OSBPL9: variants seen among roughly 807,000 people sequenced by gnomAD.
OSBPL9 encodes the protein oxysterol-binding protein-related protein 9.
A neutral mutation model predicts 106.6 loss-of-function variants in OSBPL9; 40 were observed. The observed-to-expected ratio is 0.38, with a 90% CI of 0.29 to 0.49. The LOEUF (loss-of-function observed/expected upper bound fraction) is 0.49, where lower values mean the gene tolerates loss of function less well. OSBPL9 is among the 20% of genes least tolerant of loss of function. OSBPL9 has a pLI of 0.97. For missense variants in OSBPL9, 609 were observed against 887.2 expected (o/e 0.69, Z 3.98); for synonymous variants, 269 against 295.4 (o/e 0.91, Z 0.92).
chr1:51,548,588 C>G, the OSBPL9 span, among the ~76,000 whole-genome samples: 1 of 152,004 alleles, frequency 6.6e-6, no homozygotes, highest in Non-Finnish European at 1.5e-5. Flanking sequence ...TGGAGTTCCA[C>G]TATGTTGCCC....
rs758760414 is a variant in OSBPL9, at chr1:51,602,018, CTTTTTT to C, written c.-353+3840_-353+3845del. Among the ~76,000 whole-genome samples the C allele has an allele frequency of 1.7e-4, 13 of 76,406 alleles. 1 individual carries two copies. Among genetic ancestry groups the C allele is most frequent in the African/African-American group, 5.7e-4 (11 of 19,210 alleles). The allele number at this position is 76,406 out of a possible 152,430, so 50.1% of individuals were successfully genotyped here. A position where few individuals can be genotyped will look rare whatever the true frequency, so the allele number is the denominator to read the frequency against. ...AGTCAATTGTTCCATTCTTGGGGTT[CTTTTTT>C]TTTTTTTTTTTTTTGAGACGGAGTC... is the stretch of plus-strand genomic sequence containing the variant. On this transcript the variant is annotated intron_variant, in intron 2 of 25. Coordinates refer to the OSBPL9 transcript ENST00000371714.
chr1:51,596,397 T>C (rs543750232), intron 1 of OSBPL9, among the ~76,000 whole-genome samples: 1 of 150,718 alleles, frequency 6.6e-6, no homozygotes, highest in East Asian at 2.0e-4. Flanking sequence ...CCGTCTCTAC[T>C]AAAAATACAA....
chr1:51,578,203 A>G (rs892669138), intron 1 of OSBPL9, among the ~76,000 whole-genome samples: 3 of 152,186 alleles, frequency 2.0e-5, no homozygotes, highest in African/African-American at 7.2e-5. Flanking sequence ...TAATGGATTG[A>G]CTCTTTTATT....
In OSBPL9 at chr1:51,745,660, A is replaced by G. The variant is rs779637997; in HGVS notation, c.414+29A>G. On this transcript the variant is annotated intron_variant, in intron 5 of 23. Coordinates refer to ENST00000428468, the MANE Select transcript of OSBPL9 (RefSeq NM_024586.6). ...TGGCATTAGTTTGTATATTAAATTT[A>G]TATAAATAGAAAATGTTACTGAGCT... 4.1e-6 allele frequency: 6 copies of G among 1,460,526 alleles called. No individual in the cohort carries two copies. In the East Asian group the frequency reaches 1.3e-4, roughly 32 times the overall value. 90.5% of individuals were successfully genotyped at this position (1,460,526 alleles called of 1,614,324 possible). A position where few individuals can be genotyped will look rare whatever the true frequency, so the allele number is the denominator to read the frequency against.
Position 51,781,316 on chromosome 1 carries a change from A to C in OSBPL9, c.1409A>C (p.Asn470Thr). ...EIFQCHWTLPNDTEENTELVS... is the reference protein window; with the variant it reads ...EIFQCHWTLPTDTEENTELVS... ...TTTCAGTGTCATTGGACATTACCAAATGATACTGAAGAGAACACAGTGAGT... is the reference window on the plus strand; with the variant it reads ...TTTCAGTGTCATTGGACATTACCAACTGATACTGAAGAGAACACAGTGAGT... Residue 470 changes from asparagine to threonine, a missense_variant, in exon 16 of 24, where the codon AAT becomes ACT. Transcript: ENST00000428468. The C allele has an allele frequency of 6.2e-7, 1 of 1,614,130 alleles. No homozygotes were observed. The highest frequency in any genetic ancestry group is 8.5e-7 in the Non-Finnish European group (1 of 1,180,004).
At chr1:51,672,891 A>G (rs1479317790) in intron 3 of OSBPL9, among the ~76,000 whole-genome samples, 2 of 152,208 alleles carry the variant, frequency 1.3e-5, no homozygotes, top group African/African-American at 2.4e-5. Flanking sequence ...CAAGTTTTAA[A>G]TGTCCACCAA....
intron 3 of OSBPL9, chr1:51,709,381 A>C (rs1483635843): frequency 1.4e-5 from 3 of 210,198 alleles, no homozygotes; most frequent in African/African-American, 6.9e-5. Context: ...GTGCATAAGC[A>C]TGCACAGTTC....
the OSBPL9 span, among the ~76,000 whole-genome samples, chr1:51,545,615 AT>A: frequency 5.9e-4 from 90 of 152,336 alleles, 1 homozygote; most frequent in African/African-American, 2.0e-3. Flanking sequence ...TCTATAAAAA[AT>A]AAAATAAAAA....
intron 3 of OSBPL9, among the ~76,000 whole-genome samples, chr1:51,670,891 G>A (rs911338038): frequency 1.2e-4 from 19 of 152,296 alleles, no homozygotes; most frequent in Admixed American, 4.6e-4. Context: ...TCAAGAAAGA[G>A]CTGCTGGGTG....
chr1:51,649,192 C>T (rs1009999067), intron 1 of OSBPL9, among the ~76,000 whole-genome samples: 16 of 152,116 alleles, frequency 1.1e-4, no homozygotes, highest in African/African-American at 3.1e-4. Context: ...CTGCAACCTC[C>T]GCCTCCCAGG....
chr1:51,588,472 C>G (rs1158827141), intron 1 of OSBPL9, among the ~76,000 whole-genome samples: 1 of 152,058 alleles, frequency 6.6e-6, no homozygotes, highest in African/African-American at 2.4e-5. Context: ...CAGTCTGGGC[C>G]ACATAGCAAG....
intron 2 of OSBPL9, among the ~76,000 whole-genome samples, chr1:51,666,271 A>G (rs934787602): frequency 9.2e-5 from 14 of 152,212 alleles, no homozygotes; most frequent in Non-Finnish European, 2.1e-4. Flanking sequence ...AGGTTAAGGT[A>G]CAGCCAATTT....
At chr1:51,532,974 TATTAAATGGTAATTGGTA>T in the OSBPL9 span, among the ~76,000 whole-genome samples, 15 of 152,162 alleles carry the variant, frequency 9.9e-5, no homozygotes, top group Admixed American at 2.6e-4. Flanking sequence ...AATTGGTAAT[TATTAAATGGTAATTGGTA>T]ATTAAATGGT....
the OSBPL9 span, among the ~76,000 whole-genome samples, chr1:51,527,021 G>A: frequency 6.6e-6 from 1 of 152,112 alleles, no homozygotes; most frequent in South Asian, 2.1e-4. Flanking sequence ...TGGGATTACA[G>A]GCATGAGCCA....
chr1:51,782,510 TCATTTGTGTTTTCTCATCAAAAGAA>T, intron 16 of OSBPL9, 24 bp from the exon 17 acceptor site: 1 of 1,545,918 alleles, frequency 6.5e-7, no homozygotes, highest in Non-Finnish European at 8.9e-7. Flanking sequence ...CTCTGAAATG[TCATTTGTGTTTTCTCATCAAAAGAA>T]AATTATGTTA....
At position 51,644,619 on chromosome 1, in the gene OSBPL9, C is replaced by A. The variant is rs144433364; in HGVS notation, c.112-7372C>A. ...CTGGGATTATAGAGGTGAGCCACCGCGCCCAGCCCATGTTGAGTTTTAAAT... is the reference window on the plus strand; with the variant it reads ...CTGGGATTATAGAGGTGAGCCACCGAGCCCAGCCCATGTTGAGTTTTAAAT... On this transcript the variant is annotated intron_variant, in intron 1 of 23. Transcript: ENST00000428468. Among the ~76,000 whole-genome samples the A allele has an allele frequency of 3.7e-4, 57 of 152,232 alleles. 1 individual carries two copies. The highest frequency in any genetic ancestry group is 1.4e-3 in the African/African-American group (57 of 41,544).
intron 4 of OSBPL9, among the ~76,000 whole-genome samples, chr1:51,743,766 G>A (rs1308623940): frequency 6.6e-6 from 1 of 152,036 alleles, no homozygotes; most frequent in African/African-American, 2.4e-5. Context: ...ACAGTAACAT[G>A]GAAATAAGTT....
intron 3 of OSBPL9, among the ~76,000 whole-genome samples, chr1:51,694,243 A>G (rs1357240408): frequency 6.6e-6 from 1 of 152,224 alleles, no homozygotes; most frequent in African/African-American, 2.4e-5. Context: ...ACTAACATTA[A>G]TGAGAAAATA....
chr1:51,519,200 T>A, the OSBPL9 span: 1 of 1,419,862 alleles, frequency 7.0e-7, no homozygotes, highest in Non-Finnish European at 9.3e-7. Context: ...TGGCGTTACC[T>A]GTGTCAGAGA....
Sources: gnomAD v4.1 joint callset for allele counts (sites outside exome capture counted in the v4.1 genomes callset) on GRCh38, gnomAD v4.1.1 for gene constraint, MANE v1.5 for transcripts, NCBI Gene and HGNC (gene_info 2026-07-23, HGNC 2026-07-21) for gene names.